The following MEP1B variants were observed in gnomAD, a reference collection of about 807,000 sequenced individuals.
MEP1B encodes the protein meprin A subunit beta, also known as N-benzoyl-L-tyrosyl-P-amino-benzoic acid hydrolase subunit beta.
A neutral mutation model predicts 84.6 loss-of-function variants in MEP1B; 80 were observed. The ratio of observed to expected loss-of-function variants is 0.95; its 90% CI spans 0.79 to 1.14. The LOEUF (loss-of-function observed/expected upper bound fraction) is 1.14. MEP1B is among the 50% of genes most tolerant of loss of function. The pLI is 0.00. For missense variants in MEP1B, 766 were observed against 855.1 expected (o/e 0.90, Z 1.30); for synonymous variants, 273 against 288.1 (o/e 0.95, Z 0.53).
chr18:32,213,249 G>C lies in MEP1B; in HGVS notation c.1269G>C (p.Ser423=). 1 of 1,613,920 alleles carries C rather than the reference G, an allele frequency of 6.2e-7. No individual in the cohort carries two copies. Among genetic ancestry groups the C allele is most frequent in the Non-Finnish European group, 8.5e-7 (1 of 1,179,876 alleles). Residue 423 remains serine (S), a synonymous_variant, in exon 11 of 15, where the codon TCG becomes TCC. Coordinates refer to ENST00000269202, the MANE Select transcript of MEP1B (RefSeq NM_005925.3). ...TGTCTATTGATGACATCAATCTTTC[G>C]GAAACACGGTGCCCTCATCATATCT... The part of the protein sequence containing the change: ...GGLSIDDINL[S]ETRCPHHIWH...
At chr18:32,207,057 T>C (rs2040972851) in intron 7 of MEP1B, among the ~76,000 whole-genome samples, 195 bp from the exon 8 acceptor site, 1 of 152,226 alleles carries the variant, frequency 6.6e-6, no homozygotes, top group African/African-American at 2.4e-5. Context: ...ACCTTAGATA[T>C]GTTCAGTGTG....
intron 7 of MEP1B, 150 bp from the exon 8 acceptor site, chr18:32,207,102 T>C: frequency 3.3e-6 from 2 of 607,160 alleles, no homozygotes; most frequent in Non-Finnish European, 2.9e-6. Context: ...TTGAATATTA[T>C]ATTGTAAGAT....
chr18:32,195,441 A>G lies in MEP1B; in HGVS notation c.206A>G (p.Tyr69Cys). ...QIRNSIIGEK[Y>C]RWPHTIPYVL... is the part of the protein sequence containing the mutation. ...AGAAATTCCATCATTGGAGAAAAGT[A>G]TAGATGGCCTCATACCATTCCATAT... The change falls in exon 5 of 15, where the codon TAT (tyrosine) becomes TGT (cysteine). Residue 69 changes from tyrosine to cysteine, a missense_variant. By Grantham distance (194) the Tyr-to-Cys change is radical (BLOSUM62 -2). Coordinates refer to ENST00000269202, the MANE Select transcript of MEP1B (RefSeq NM_005925.3). 1 of 1,612,682 alleles carries G rather than the reference A, an allele frequency of 6.2e-7. No homozygotes were observed. Among genetic ancestry groups the G allele is most frequent in the Non-Finnish European group, 8.5e-7 (1 of 1,178,906 alleles).
In MEP1B at chr18:32,203,632, A is replaced by G. The variant is rs1026368608; in HGVS notation, c.369-550A>G. On this transcript the variant is annotated intron_variant, in intron 6 of 14. Coordinates refer to ENST00000269202, the MANE Select transcript of MEP1B (RefSeq NM_005925.3). ...TATACAATACCTGGTATATTAGGCC[A>G]TTCTTGCATTGCTGTACAGAAATAC... Among the ~76,000 whole-genome samples the G allele has an allele frequency of 5.3e-5, 8 of 152,290 alleles. No individual in the cohort carries two copies. In the South Asian group the frequency reaches 1.7e-3, roughly 32 times the overall value.
intron 12 of MEP1B, among the ~76,000 whole-genome samples, chr18:32,215,811 G>A (rs552238472): frequency 3.3e-4 from 50 of 152,086 alleles, no homozygotes; most frequent in African/African-American, 7.7e-4. Context: ...GCCAAAGAGC[G>A]AGACTCCGTC....
intron 14 of MEP1B, among the ~76,000 whole-genome samples, chr18:32,218,355 G>C (rs1437967697): frequency 6.6e-6 from 1 of 152,150 alleles, no homozygotes; most frequent in Non-Finnish European, 1.5e-5. Context: ...GGTGAGCTGA[G>C]GCCATAGGAA....
intron 14 of MEP1B, 61 bp from the exon 15 acceptor site, chr18:32,220,170 C>T: frequency 7.0e-7 from 1 of 1,432,770 alleles, no homozygotes; most frequent in Non-Finnish European, 9.7e-7. Flanking sequence ...TATTATGATT[C>T]ATTTAAATAG....
chr18:32,203,098 C>A (rs1037833539), intron 6 of MEP1B, 88 bp downstream of exon 6: 2 of 728,606 alleles, frequency 2.7e-6, no homozygotes, highest in South Asian at 2.0e-5. Context: ...TAGGCTCTGA[C>A]CTTTAGGAAG....
At chr18:32,210,739 G>A in intron 10 of MEP1B, 23 bp downstream of exon 10, 1 of 1,594,342 alleles carries the variant, frequency 6.3e-7, no homozygotes, top group Non-Finnish European at 8.6e-7. Flanking sequence ...CATCCTTATT[G>A]TCTGGATTTA....
chr18:32,196,594 G>A lies in MEP1B; in HGVS notation c.250+1109G>A. The A allele has an allele frequency of 2.8e-6, 2 of 722,518 alleles. No individual in the cohort carries two copies. Among genetic ancestry groups the A allele is most frequent in the Admixed American group, 3.6e-5 (2 of 54,954 alleles). 44.8% of individuals were successfully genotyped at this position (722,518 alleles called of 1,614,324 possible). A position where few individuals can be genotyped will look rare whatever the true frequency, so the allele number is the denominator to read the frequency against. ...GCCAGCGCGTTGTCCAGGAAGCACA[G>A]CGACAGGTCGTACTCCATCACCCTG... On this transcript the variant is annotated intron_variant, in intron 5 of 14. Coordinates refer to ENST00000269202, the MANE Select transcript of MEP1B (RefSeq NM_005925.3). The surrounding 1 kb of genome is among the most constrained non-coding windows in gnomAD (Gnocchi z 4.4).
At chr18:32,218,510 G>C (rs2041117149) in intron 14 of MEP1B, among the ~76,000 whole-genome samples, 1 of 152,196 alleles carries the variant, frequency 6.6e-6, no homozygotes, top group African/African-American at 2.4e-5. Context: ...AATGCTAATA[G>C]ACTCCTGAAA....
chr18:32,210,820 A>C, intron 10 of MEP1B, 104 bp downstream of exon 10: 1 of 861,746 alleles, frequency 1.2e-6, no homozygotes, highest in Non-Finnish European at 1.8e-6. Context: ...CTACTGAGTC[A>C]CTATACTTCA....
rs2040823488 is a variant in MEP1B, at chr18:32,193,567, C to T, written c.171+750C>T. ...AATGTGTTTAGAACATGTTATTATA[C>T]TGGAGAGTGTATAAATTTGAAAAAA... On this transcript the variant is annotated intron_variant, in intron 4 of 14. Transcript: ENST00000269202. 2.6e-5 allele frequency among the ~76,000 whole-genome samples: 4 copies of T among 152,064 alleles called. No individual in the cohort carries two copies. The South Asian group carries it at 8.3e-4, about 31-fold the overall frequency.
intron 10 of MEP1B, among the ~76,000 whole-genome samples, chr18:32,212,096 TATAA>T (rs2041034508): frequency 6.7e-6 from 1 of 148,806 alleles, no homozygotes; most frequent in Admixed American, 6.7e-5. Flanking sequence ...TATATGTTAC[TATAA>T]ATATTATATT....
At chr18:32,213,833 T>C (rs1407888120) in intron 11 of MEP1B, among the ~76,000 whole-genome samples, 1 of 152,162 alleles carries the variant, frequency 6.6e-6, no homozygotes, top group Non-Finnish European at 1.5e-5. Flanking sequence ...GCAAGAAGTG[T>C]TGGTTTTAGA....
rs1385218107 is a variant in MEP1B at position 32,196,732 on chromosome 18, T to C, written c.250+1247T>C. On this transcript the variant is annotated intron_variant, in intron 5 of 14. Transcript: ENST00000269202. The surrounding 1 kb of genome is among the most constrained non-coding windows in gnomAD (Gnocchi z 4.4). ...AGGCTGAGGGCCAGGGACAGCTGCC[T>C]GCTGGTGAAGCAGTGCAGGGCCAGG... is the stretch of plus-strand genomic sequence containing the variant. 3.1e-6 allele frequency: 2 copies of C among 638,454 alleles called. No individual in the cohort carries two copies. The highest frequency in any genetic ancestry group is 5.7e-6 in the Non-Finnish European group (2 of 350,790). The allele number at this position is 638,454 out of a possible 1,614,324, so 39.5% of individuals were successfully genotyped here.
chr18:32,190,566 T>A (rs1407121872), intron 1 of MEP1B, among the ~76,000 whole-genome samples: 2 of 152,148 alleles, frequency 1.3e-5, no homozygotes, highest in Non-Finnish European at 2.9e-5. Context: ...CTTCTACAGT[T>A]TGGACTAATC....
intron 7 of MEP1B, 41 bp from the exon 8 acceptor site, chr18:32,207,211 T>C (rs1256302581): frequency 7.3e-7 from 1 of 1,370,302 alleles, no homozygotes; most frequent in Non-Finnish European, 1.0e-6. Context: ...ATAAGCTGAA[T>C]TTTGTGAACA....
chr18:32,191,958 A>G (rs1001761483), intron 2 of MEP1B, 118 bp downstream of exon 2: 2 of 631,584 alleles, frequency 3.2e-6, no homozygotes, highest in Non-Finnish European at 5.5e-6. Context: ...ACTTTGATCT[A>G]ATACTGGATT....
Sources: allele counts gnomAD v4.1 joint callset (sites outside exome capture counted in the v4.1 genomes callset), GRCh38; gene constraint gnomAD v4.1.1; non-coding constraint Gnocchi (gnomAD v3.1); transcripts MANE v1.5; gene names NCBI Gene and HGNC (gene_info 2026-07-23, HGNC 2026-07-21).